CDH12: variants seen among roughly 807,000 people sequenced by gnomAD.
The protein encoded by CDH12 is cadherin 12.
In CDH12, 41 loss-of-function variants were observed where a neutral mutation model predicts 74.1. The ratio of observed to expected loss-of-function variants is 0.55; its 90% confidence interval spans 0.43 to 0.72. CDH12 has a LOEUF of 0.72. CDH12 is among the 30% of genes least tolerant of loss of function. The pLI, the probability that CDH12 is intolerant of heterozygous loss-of-function variation, is 0.00. For synonymous variants in CDH12, 399 were observed against 355.0 expected (o/e 1.12, Z -1.39); for missense variants, 945 against 977.2 (o/e 0.97, Z 0.44).
intron 3 of CDH12, among the ~76,000 whole-genome samples, chr5:22,400,932 A>T (rs1472223193): frequency 6.6e-6 from 1 of 152,142 alleles, no homozygotes; most frequent in African/African-American, 2.4e-5. Context: ...AGGCTACGTA[A>T]GATGATTGAT....
intron 1 of CDH12, among the ~76,000 whole-genome samples, chr5:22,668,969 C>A (rs1297505539): frequency 6.6e-6 from 1 of 152,004 alleles, no homozygotes; most frequent in Non-Finnish European, 1.5e-5. Flanking sequence ...TAAGTTACCT[C>A]CATATTTTTC....
At chr5:22,582,905 G>C (rs112650984) in intron 1 of CDH12, among the ~76,000 whole-genome samples, 74 of 152,208 alleles carry the variant, frequency 4.9e-4, no homozygotes, top group African/African-American at 1.7e-3. Flanking sequence ...GCACTATAGG[G>C]GGATTGATAT....
chr5:22,286,059 T>G (rs1737119285), intron 3 of CDH12, among the ~76,000 whole-genome samples: 1 of 152,184 alleles, frequency 6.6e-6, no homozygotes, highest in Non-Finnish European at 1.5e-5. Context: ...ATAAATACTC[T>G]TAGTTTGAGT....
chr5:22,381,976 CA>C (rs1207446641), intron 3 of CDH12, among the ~76,000 whole-genome samples: 1 of 148,946 alleles, frequency 6.7e-6, no homozygotes, highest in Non-Finnish European at 1.5e-5. Context: ...TAACAATATT[CA>C]AATTTATATA....
chr5:22,762,769 G>C (rs1487305010), intron 1 of CDH12, among the ~76,000 whole-genome samples: 1 of 151,984 alleles, frequency 6.6e-6, no homozygotes, highest in African/African-American at 2.4e-5. Flanking sequence ...TAATTTTTCT[G>C]AGCAAACATG....
intron 6 of CDH12, among the ~76,000 whole-genome samples, chr5:21,919,586 C>A (rs553681931): frequency 1.7e-3 from 264 of 152,158 alleles, no homozygotes; most frequent in African/African-American, 5.9e-3. Flanking sequence ...CGCAGGCCAA[C>A]CCCTAGCCAC....
intron 1 of CDH12, among the ~76,000 whole-genome samples, chr5:22,629,166 G>A (rs899902212): frequency 6.6e-6 from 1 of 151,962 alleles, no homozygotes; most frequent in Non-Finnish European, 1.5e-5. Flanking sequence ...GGTTATTCCA[G>A]ACATATAAAA....
chr5:22,312,018 A>C (rs1217579300), intron 3 of CDH12, among the ~76,000 whole-genome samples: 1 of 152,162 alleles, frequency 6.6e-6, no homozygotes, highest in African/African-American at 2.4e-5. Flanking sequence ...ATGGAAGCTA[A>C]AAATAATAAA....
At chr5:21,819,738 C>T (rs764302479) in intron 8 of CDH12, among the ~76,000 whole-genome samples, 5 of 151,828 alleles carry the variant, frequency 3.3e-5, no homozygotes, top group African/African-American at 9.7e-5. Context: ...GACAGAGAGC[C>T]GTCAAGTATA....
At chr5:22,417,170 G>T (rs1019878766) in intron 2 of CDH12, among the ~76,000 whole-genome samples, 1 of 152,066 alleles carries the variant, frequency 6.6e-6, no homozygotes, top group African/African-American at 2.4e-5. Context: ...TGCATTTTAA[G>T]AAAAAATAAA....
At chr5:22,514,249 A>G (rs982692979) in intron 1 of CDH12, among the ~76,000 whole-genome samples, 1 of 152,100 alleles carries the variant, frequency 6.6e-6, no homozygotes, top group Non-Finnish European at 1.5e-5. Context: ...GATAAAATAG[A>G]AAATTAGAAA....
chr5:22,667,996 C>T (rs1241765449), intron 1 of CDH12, among the ~76,000 whole-genome samples: 1 of 151,978 alleles, frequency 6.6e-6, no homozygotes, highest in African/African-American at 2.4e-5. Context: ...AAAAGAAAAA[C>T]ATAATTCCTC....
intron 7 of CDH12, among the ~76,000 whole-genome samples, chr5:21,851,274 A>G (rs998981333): frequency 6.0e-5 from 9 of 151,170 alleles, no homozygotes; most frequent in African/African-American, 2.2e-4. Flanking sequence ...CTAAATTAAG[A>G]CATAAGAGTT....
chr5:22,516,998 T>C (rs1209759929), intron 1 of CDH12, among the ~76,000 whole-genome samples: 2 of 152,082 alleles, frequency 1.3e-5, no homozygotes, highest in East Asian at 3.9e-4. Context: ...AAAGCTAATT[T>C]TTGTTGTTTT....
intron 1 of CDH12, among the ~76,000 whole-genome samples, chr5:22,611,272 TTCAG>T (rs1349201334): frequency 6.6e-5 from 10 of 152,302 alleles, no homozygotes; most frequent in African/African-American, 2.2e-4. Flanking sequence ...ACACTTAAAC[TTCAG>T]TCAATTGAAA....
At chr5:22,123,712 G>T (rs1745658990) in intron 4 of CDH12, among the ~76,000 whole-genome samples, 1 of 152,116 alleles carries the variant, frequency 6.6e-6, no homozygotes, top group Admixed American at 6.5e-5. Flanking sequence ...ACGCGATTTT[G>T]CAGTAATACA....
At chr5:22,084,307 G>A (rs1306041746) in intron 4 of CDH12, among the ~76,000 whole-genome samples, 1 of 152,090 alleles carries the variant, frequency 6.6e-6, no homozygotes, top group East Asian at 1.9e-4. Flanking sequence ...TGACCTACCT[G>A]ACAATTCTAC....
intron 1 of CDH12, among the ~76,000 whole-genome samples, chr5:22,567,388 C>G (rs747058301): frequency 6.6e-6 from 1 of 152,136 alleles, no homozygotes; most frequent in Admixed American, 6.5e-5. Context: ...TTTAAGGAAG[C>G]CTGAGGGGCA....
chr5:22,105,753 C>A (rs1389006142), intron 4 of CDH12, among the ~76,000 whole-genome samples: 1 of 150,656 alleles, frequency 6.6e-6, no homozygotes, highest in Non-Finnish European at 1.5e-5. Flanking sequence ...AAAATAAAAA[C>A]ATCATTTGTG....
Sources: allele counts gnomAD v4.1 joint callset (sites outside exome capture counted in the v4.1 genomes callset), GRCh38; gene constraint gnomAD v4.1.1; transcripts MANE v1.5; gene names NCBI Gene and HGNC (gene_info 2026-07-23, HGNC 2026-07-21).